Variants in SAMD12 observed in about 807,000 individuals in gnomAD.
The protein encoded by SAMD12 is sterile alpha motif domain containing 12, also known as sterile alpha motif domain-containing protein 12.
A neutral mutation model predicts 15.0 loss-of-function variants in SAMD12; 9 were observed. The ratio of observed to expected loss-of-function variants is 0.60; its 90% CI spans 0.36 to 1.05. The LOEUF is 1.05. Among genes scored for constraint, SAMD12 ranks in the 50% least tolerant of loss-of-function variants. SAMD12 has a pLI of 0.01. For missense variants in SAMD12, 230 were observed against 234.2 expected (o/e 0.98, Z 0.12); for synonymous variants, 86 against 90.1 (o/e 0.96, Z 0.25).
At chr8:118,391,706 A>ATGAT (rs1453328710) in intron 3 of SAMD12, among the ~76,000 whole-genome samples, 1 of 152,230 alleles carries the variant, frequency 6.6e-6, no homozygotes, top group Non-Finnish European at 1.5e-5. Flanking sequence ...AAACTTTTAA[A>ATGAT]TGATAAATGT....
intron 2 of SAMD12, among the ~76,000 whole-genome samples, chr8:118,559,927 A>C: frequency 6.6e-6 from 1 of 152,344 alleles, no homozygotes; most frequent in South Asian, 2.1e-4. Context: ...TTTAAAAATA[A>C]AGTTTCAAAA....
At chr8:118,513,531 A>G (rs4604473) in intron 2 of SAMD12, among the ~76,000 whole-genome samples, 7,631 of 152,320 alleles carry the variant, frequency 0.05, 584 homozygotes, top group African/African-American at 0.17. Flanking sequence ...TCCTATACAC[A>G]TTAAAGACCA....
chr8:118,229,157 G>T (rs1353624184), intron 4 of SAMD12, among the ~76,000 whole-genome samples: 1 of 152,070 alleles, frequency 6.6e-6, no homozygotes, highest in Non-Finnish European at 1.5e-5. Context: ...GGGGGCGAGG[G>T]ATAAAAGACT....
intron 4 of SAMD12, among the ~76,000 whole-genome samples, chr8:118,286,689 A>C (rs1230561349): frequency 1.3e-5 from 2 of 152,222 alleles, no homozygotes; most frequent in Non-Finnish European, 2.9e-5. Flanking sequence ...GGAAGAAAAC[A>C]AGCATGAGAG....
At chr8:118,141,295 A>G in the SAMD12 span, among the ~76,000 whole-genome samples, 2 of 152,218 alleles carry the variant, frequency 1.3e-5, no homozygotes, top group Non-Finnish European at 2.9e-5. Context: ...AGAAGATGCA[A>G]AAAATAAGAA....
intron 4 of SAMD12, among the ~76,000 whole-genome samples, chr8:118,260,595 G>A (rs1406999014): frequency 6.6e-6 from 1 of 152,036 alleles, no homozygotes; most frequent in African/African-American, 2.4e-5. Flanking sequence ...TGACCTCTGT[G>A]AATTGTACTA....
chr8:118,244,938 C>A (rs1193291310), intron 4 of SAMD12, among the ~76,000 whole-genome samples: 2 of 152,128 alleles, frequency 1.3e-5, no homozygotes, highest in Non-Finnish European at 2.9e-5. Context: ...CAGACAACTT[C>A]TCTTCCTGGC....
At chr8:118,528,982 G>C (rs1452751267) in intron 2 of SAMD12, among the ~76,000 whole-genome samples, 9 of 152,168 alleles carry the variant, frequency 5.9e-5, no homozygotes, top group Admixed American at 4.6e-4. Context: ...AAGAAAAAAA[G>C]AAGAGATTCA....
At chr8:118,549,646 A>G (rs1391383749) in intron 2 of SAMD12, among the ~76,000 whole-genome samples, 3 of 152,260 alleles carry the variant, frequency 2.0e-5, no homozygotes, top group Non-Finnish European at 4.4e-5. Context: ...AAAGGAACGC[A>G]GTTCCTCACC....
At chr8:118,467,840 A>G (rs1823642118) in intron 2 of SAMD12, among the ~76,000 whole-genome samples, 1 of 152,216 alleles carries the variant, frequency 6.6e-6, no homozygotes, top group African/African-American at 2.4e-5. Flanking sequence ...TTTAGATTAC[A>G]CATTGAAATC....
chr8:118,553,646 C>A (rs1826422568), intron 2 of SAMD12, among the ~76,000 whole-genome samples: 3 of 149,756 alleles, frequency 2.0e-5, no homozygotes, highest in South Asian at 2.1e-4. Flanking sequence ...TCTAAAACAC[C>A]AAAAGCAATG....
At chr8:118,165,008 T>TGTGTGTGTGTGTG in the SAMD12 span, among the ~76,000 whole-genome samples, 4 of 150,798 alleles carry the variant, frequency 2.7e-5, no homozygotes, top group African/African-American at 9.8e-5. Context: ...TGTGTGTGTG[T>TGTGTGTGTGTGTG]TTTCCATACA....
At chr8:118,464,383 A>G (rs1158898077) in intron 2 of SAMD12, among the ~76,000 whole-genome samples, 1 of 152,224 alleles carries the variant, frequency 6.6e-6, no homozygotes, top group Non-Finnish European at 1.5e-5. Flanking sequence ...GAACCACCAG[A>G]GAACACTTCA....
chr8:118,154,458 T>C, the SAMD12 span, among the ~76,000 whole-genome samples: 2 of 152,230 alleles, frequency 1.3e-5, no homozygotes, highest in East Asian at 3.8e-4. Context: ...CATGACATGC[T>C]GTTCATACTG....
the SAMD12 span, among the ~76,000 whole-genome samples, chr8:118,153,888 C>A: frequency 6.6e-6 from 1 of 152,022 alleles, no homozygotes; most frequent in Non-Finnish European, 1.5e-5. Flanking sequence ...TTCTTCATCC[C>A]GTCATCCAAT....
intron 4 of SAMD12, among the ~76,000 whole-genome samples, chr8:118,313,226 C>T (rs537514157): frequency 5.9e-5 from 9 of 152,294 alleles, no homozygotes; most frequent in East Asian, 1.9e-4. Context: ...ATATAAGCCA[C>T]GTTATGCCCC....
chr8:118,379,378 CTAG>C lies in SAMD12; in HGVS notation c.*36_*38del. The C allele has an allele frequency of 6.3e-7, 1 of 1,597,096 alleles. No homozygotes were observed. On this transcript the variant is annotated 3_prime_UTR_variant, in exon 4 of 4. Transcript: ENST00000314727. ...ATTACTTATTTGTGCATCCTTCTCC[CTAG>C]TGAGCTATGAAAAAAGTTTTCAAAG...
At chr8:118,264,674 C>G (rs969901633) in intron 4 of SAMD12, among the ~76,000 whole-genome samples, 1 of 152,148 alleles carries the variant, frequency 6.6e-6, no homozygotes, top group African/African-American at 2.4e-5. Context: ...TTGTCTTACA[C>G]TTGCTCCCAG....
chr8:118,562,600 G>T (rs1476292724), intron 2 of SAMD12, among the ~76,000 whole-genome samples: 1 of 152,072 alleles, frequency 6.6e-6, no homozygotes, highest in East Asian at 1.9e-4. Flanking sequence ...CCAAAAAAGG[G>T]GAATGATGAT....
Sources: gnomAD v4.1 joint callset for allele counts (sites outside exome capture counted in the v4.1 genomes callset) on GRCh38, gnomAD v4.1.1 for gene constraint, MANE v1.5 for transcripts, NCBI Gene and HGNC (gene_info 2026-07-23, HGNC 2026-07-21) for gene names.